Variants in KIAA1217 observed in about 807,000 individuals in gnomAD.
KIAA1217 encodes the protein KIAA1217, also known as sickle tail protein homolog.
In KIAA1217, 88 loss-of-function variants were observed where a neutral mutation model predicts 163.9. That is an observed-to-expected ratio of 0.54 (90% CI 0.45 to 0.64). KIAA1217 has a LOEUF of 0.64. KIAA1217 is among the 30% of genes least tolerant of loss of function. The probability of loss-of-function intolerance (pLI) is 0.00; values close to 1 mark genes in which losing one functional copy is unlikely to be tolerated. For missense variants in KIAA1217, 2,372 were observed against 2,475.0 expected, an observed-to-expected ratio of 0.96 and a Z score of 0.88; for synonymous variants, 903 against 923.1, an observed-to-expected ratio of 0.98 and a Z score of 0.39.
intron 2 of KIAA1217, among the ~76,000 whole-genome samples, chr10:24,376,701 G>A (rs1564568237): frequency 6.6e-6 from 1 of 152,120 alleles, no homozygotes. Context: ...GATCGAGGCT[G>A]CAGTGAGCCA....
rs1589738098 is a variant in KIAA1217 at position 24,164,709 on chromosome 10, G to C, written c.-170-54917G>C. Among the ~76,000 whole-genome samples the C allele has an allele frequency of 2.0e-5, 3 of 152,290 alleles. No individual in the cohort carries two copies. In the South Asian group the frequency reaches 6.2e-4, roughly 32 times the overall value. ...AGTAGGGGTGAAATCTGAGAACAAAGAGACTTGTGTATCCCACGTAATTAA... is the reference window on the plus strand; with the variant it reads ...AGTAGGGGTGAAATCTGAGAACAAACAGACTTGTGTATCCCACGTAATTAA... On this transcript the variant is annotated intron_variant, in intron 2 of 18. Coordinates refer to the KIAA1217 transcript ENST00000376462.
chr10:23,793,362 C>G (rs183480496), intron 1 of KIAA1217, among the ~76,000 whole-genome samples: 20 of 152,268 alleles, frequency 1.3e-4, no homozygotes, highest in Admixed American at 1.2e-3. Context: ...GTGCTTTTGC[C>G]TTGGGCATGA....
At chr10:24,110,105 G>A (rs2062788772) in intron 2 of KIAA1217, among the ~76,000 whole-genome samples, 1 of 152,178 alleles carries the variant, frequency 6.6e-6, no homozygotes, top group Non-Finnish European at 1.5e-5. Context: ...AGATGAGAAT[G>A]GACTTTGAGA....
At chr10:24,211,043 A>C (rs1177297714) in intron 1 of KIAA1217, among the ~76,000 whole-genome samples, 1 of 152,182 alleles carries the variant, frequency 6.6e-6, no homozygotes, top group Middle Eastern at 3.2e-3. Context: ...TTAACTGAGC[A>C]GTCCTGTATC....
intron 6 of KIAA1217, among the ~76,000 whole-genome samples, chr10:24,491,274 T>C (rs1257798280): frequency 4.8e-5 from 2 of 41,358 alleles, no homozygotes; most frequent in Non-Finnish European, 1.0e-4. Context: ...GCTTTGTTTC[T>C]TTTTTTTTTT....
chr10:24,124,634 T>C (rs1231447819), intron 2 of KIAA1217, among the ~76,000 whole-genome samples: 1 of 152,156 alleles, frequency 6.6e-6, no homozygotes, highest in East Asian at 1.9e-4. Flanking sequence ...TCAAAGTTCT[T>C]ATCAAGAAAG....
chr10:23,721,384 C>T (rs1837866641), intron 1 of KIAA1217, among the ~76,000 whole-genome samples: 1 of 152,100 alleles, frequency 6.6e-6, no homozygotes, highest in Admixed American at 6.6e-5. Flanking sequence ...CTGATGGACC[C>T]CACGCATTGC....
rs140658712 is a variant in KIAA1217, at chr10:23,791,840, A to G, written c.-321+96606A>G. 4.5e-4 allele frequency among the ~76,000 whole-genome samples: 68 copies of G among 152,248 alleles called. 1 individual carries two copies. The East Asian group carries it at 0.012, about 27-fold the overall frequency. Reference sequence around the variant, plus strand: ...AAATACCACAGCCTACATCAGCATTACTGTTTTATATTTCCACCAAATAAG... The same window carrying G: ...AAATACCACAGCCTACATCAGCATTGCTGTTTTATATTTCCACCAAATAAG... On this transcript the variant is annotated intron_variant, in intron 1 of 18. Transcript: ENST00000376462.
rs113733045 is a variant in KIAA1217, at chr10:24,116,415, G to A, written c.-170-103211G>A. Reference sequence around the variant, plus strand: ...AGACCATGCAGTCTCTGTCGTAAGCGTGCAACTCTGCCGTTGTGGCAGGAA... The same window carrying A: ...AGACCATGCAGTCTCTGTCGTAAGCATGCAACTCTGCCGTTGTGGCAGGAA... On this transcript the variant is annotated intron_variant, in intron 2 of 18. Coordinates refer to the KIAA1217 transcript ENST00000376462. 1.2e-4 allele frequency among the ~76,000 whole-genome samples: 18 copies of A among 152,170 alleles called. 1 individual carries two copies. Among genetic ancestry groups the A allele is most frequent in the African/African-American group, 2.6e-4 (11 of 41,552 alleles).
At position 24,438,474 on chromosome 10, in the gene KIAA1217, A is replaced by G. The variant is rs757309564; in HGVS notation, c.841A>G (p.Met281Val). 4 of 1,603,698 alleles carry G rather than the reference A, an allele frequency of 2.5e-6. No homozygotes were observed. Among genetic ancestry groups the G allele is most frequent in the Admixed American group, 3.3e-5 (2 of 60,018 alleles). The change falls in exon 5 of 21, where the codon ATG (methionine) becomes GTG (valine). Residue 281 changes from methionine (M) to valine (V), a missense_variant. Met to Val is a conservative substitution (Grantham distance 21). Around this residue, in one of 3 missense-constraint regions of KIAA1217, gnomAD observed 1,431 missense variants for 1,470.3 expected, o/e 0.97. Coordinates refer to ENST00000376454, the MANE Select transcript of KIAA1217 (RefSeq NM_019590.5). Reference protein sequence around the residue: ...NHTPKTMNGDMRMQRELVYAR... With the variant: ...NHTPKTMNGDVRMQRELVYAR... ...CACACCAAAAACTATGAATGGAGACATGAGGGTAAGTGTTTCTGTCATATT... is the reference window on the plus strand; with the variant it reads ...CACACCAAAAACTATGAATGGAGACGTGAGGGTAAGTGTTTCTGTCATATT...
intron 11 of KIAA1217, among the ~76,000 whole-genome samples, chr10:24,521,042 G>GTTGGTTTT (rs762075477): frequency 9.0e-6 from 1 of 111,450 alleles, no homozygotes; most frequent in African/African-American, 3.7e-5. Flanking sequence ...AAAAAAAAAA[G>GTTGGTTTT]TTTTTTTTTT....
At chr10:24,340,185 T>C (rs996801677) in intron 2 of KIAA1217, among the ~76,000 whole-genome samples, 1 of 152,210 alleles carries the variant, frequency 6.6e-6, no homozygotes, top group African/African-American at 2.4e-5. Flanking sequence ...TAACAATTTC[T>C]GCCTTCTGTT....
At chr10:24,325,450 GGT>G in intron 2 of KIAA1217, among the ~76,000 whole-genome samples, 1 of 152,114 alleles carries the variant, frequency 6.6e-6, no homozygotes, top group South Asian at 2.1e-4. Flanking sequence ...AGAGTGAGAA[GGT>G]CATCTTGGTT....
At chr10:24,391,551 G>T (rs1254418705) in intron 3 of KIAA1217, among the ~76,000 whole-genome samples, 1 of 151,804 alleles carries the variant, frequency 6.6e-6, no homozygotes, top group Non-Finnish European at 1.5e-5. Flanking sequence ...CACTATGTTG[G>T]CCAAGCTGGT....
chr10:23,783,028 A>C (rs1835328312), intron 1 of KIAA1217, among the ~76,000 whole-genome samples: 2 of 152,260 alleles, frequency 1.3e-5, no homozygotes, highest in South Asian at 4.1e-4. Context: ...AATTGTTTTG[A>C]GTTTTTAATC....
intron 2 of KIAA1217, among the ~76,000 whole-genome samples, chr10:24,013,954 G>A (rs1847363021): frequency 6.6e-6 from 1 of 152,168 alleles, no homozygotes; most frequent in South Asian, 2.1e-4. Context: ...ATGTGTCACT[G>A]TCTGAGAATA....
At chr10:24,419,534 G>A (rs2058560751) in intron 3 of KIAA1217, among the ~76,000 whole-genome samples, 1 of 152,068 alleles carries the variant, frequency 6.6e-6, no homozygotes, top group South Asian at 2.1e-4. Context: ...CTGTGAGATG[G>A]GGATAATAGT....
chr10:23,877,214 C>G (rs1329699584), intron 1 of KIAA1217, among the ~76,000 whole-genome samples: 1 of 151,924 alleles, frequency 6.6e-6, no homozygotes, highest in Non-Finnish European at 1.5e-5. Context: ...ATGTACTCAC[C>G]TATCAGGCCA....
chr10:24,415,185 G>C (rs1433681310), intron 3 of KIAA1217, among the ~76,000 whole-genome samples: 1 of 150,170 alleles, frequency 6.7e-6, no homozygotes, highest in Non-Finnish European at 1.5e-5. Flanking sequence ...AGTGATCTCG[G>C]CTCACTACAA....
Sources: gnomAD v4.1 joint callset for allele counts (sites outside exome capture counted in the v4.1 genomes callset) on GRCh38, gnomAD v4.1.1 for gene constraint, gnomAD v4.1.1 regional missense constraint, MANE v1.5 for transcripts, NCBI Gene and HGNC (gene_info 2026-07-23, HGNC 2026-07-21) for gene names.